GNG7: variants seen among roughly 807,000 people sequenced by gnomAD.
The protein encoded by GNG7 is guanine nucleotide-binding protein G(I)/G(S)/G(O) subunit gamma-7.
Under a neutral mutation model 4.0 loss-of-function variants are expected in GNG7, and 1 was observed. That is an observed-to-expected ratio of 0.25 (90% CI 0.09 to 1.18). The LOEUF is 1.18. GNG7 is among the 50% of genes most tolerant of loss of function. GNG7 has a pLI of 0.50. For synonymous variants in GNG7, 34 were observed against 36.9 expected, an observed-to-expected ratio of 0.92 and a Z score of 0.29; for missense variants, 86 against 91.9, an observed-to-expected ratio of 0.94 and a Z score of 0.26.
Position 2,557,085 on chromosome 19 carries a change from G to A in GNG7, c.-77-1897C>T, listed in dbSNP as rs941258511. On this transcript the variant is annotated intron_variant, in intron 2 of 4. Transcript: ENST00000382159. The surrounding 1 kb of genome is among the most constrained non-coding windows in gnomAD (Gnocchi z 5.1). ...CACGCACACAGACACACGCACACAC[G>A]TGCACACAGGAATACTCAGACACAC... 1.3e-5 allele frequency among the ~76,000 whole-genome samples: 2 copies of A among 149,672 alleles called. No individual in the cohort carries two copies. Among genetic ancestry groups the A allele is most frequent in the Non-Finnish European group, 3.0e-5 (2 of 67,372 alleles).
At chr19:2,679,815 C>G (rs1983686382) in intron 1 of GNG7, among the ~76,000 whole-genome samples, 1 of 152,190 alleles carries the variant, frequency 6.6e-6, no homozygotes, top group African/African-American at 2.4e-5. Context: ...CACCAGGTAG[C>G]ACCTTCCTAA....
chr19:2,628,312 G>A (rs1034392422), intron 2 of GNG7, among the ~76,000 whole-genome samples: 2 of 152,020 alleles, frequency 1.3e-5, no homozygotes, highest in Non-Finnish European at 2.9e-5. Flanking sequence ...TTTGGTTATC[G>A]GCAGAATTCA....
At chr19:2,588,531 G>T (rs536490641) in intron 2 of GNG7, among the ~76,000 whole-genome samples, 1 of 152,360 alleles carries the variant, frequency 6.6e-6, no homozygotes, top group Admixed American at 6.5e-5. Context: ...AAAAGCAGGA[G>T]CCCAGGGCGG....
intron 1 of GNG7, among the ~76,000 whole-genome samples, chr19:2,685,505 G>T (rs1181632366): frequency 6.6e-6 from 1 of 151,740 alleles, no homozygotes. Flanking sequence ...TGCACCTGTG[G>T]TCCCAGCTAC....
rs138449927 is a variant in GNG7 at position 2,699,872 on chromosome 19, G to A, written c.-135+2774C>T. On this transcript the variant is annotated intron_variant, in intron 1 of 4. Transcript: ENST00000382159. ...AAGTTGTAAACTCAAAATTTCAAGC[G>A]TATAATCACAGCTCGATGTGGTTCC... Among the ~76,000 whole-genome samples the A allele has an allele frequency of 5.5e-4, 83 of 152,246 alleles. No homozygotes were observed. In the East Asian group the frequency reaches 0.013, roughly 24 times the overall value.
In GNG7 at chr19:2,633,679, G is replaced by A. The variant is rs946914698; in HGVS notation, c.-78+12545C>T. Among the ~76,000 whole-genome samples, 5 of 152,046 alleles carry A rather than the reference G, an allele frequency of 3.3e-5. No individual in the cohort carries two copies. Among genetic ancestry groups the A allele is most frequent in the Non-Finnish European group, 5.9e-5 (4 of 67,994 alleles). On this transcript the variant is annotated intron_variant, in intron 2 of 4. Coordinates refer to ENST00000382159, the MANE Select transcript of GNG7 (RefSeq NM_052847.3). This position sits in a 1 kb window ranked among gnomAD's most constrained non-coding sequence, Gnocchi z 5.9. ...AACGGGGATTCATTGAGAGGACATCGGTGGGCTTGAAAACGGGTGTCTGTT... is the reference window on the plus strand; with the variant it reads ...AACGGGGATTCATTGAGAGGACATCAGTGGGCTTGAAAACGGGTGTCTGTT...
At chr19:2,661,302 G>GAAAAAGAAAGAAAGAAAGAA in intron 1 of GNG7, among the ~76,000 whole-genome samples, 4 of 73,122 alleles carry the variant, frequency 5.5e-5, no homozygotes, top group African/African-American at 1.6e-4. Context: ...AAGAAAGAAA[G>GAAAAAGAAAGAAAGAAAGAA]AGAAAGAAAG....
intron 2 of GNG7, among the ~76,000 whole-genome samples, chr19:2,632,390 T>C (rs1418114101): frequency 4.6e-5 from 7 of 150,822 alleles, no homozygotes; most frequent in African/African-American, 1.7e-4. Flanking sequence ...GATTATGCTA[T>C]TGCATTCTAG....
chr19:2,614,479 A>G lies in GNG7; in HGVS notation c.-78+31745T>C, dbSNP rs1161884385. On this transcript the variant is annotated intron_variant, in intron 2 of 4. Transcript: ENST00000382159. This position sits in a 1 kb window ranked among gnomAD's most constrained non-coding sequence, Gnocchi z 6.0. ...CCTCCCCAGCCCCTGGCACCCACAC[A>G]TCCCCTTCCTGCCTCTCTAGACTGG... Among the ~76,000 whole-genome samples the G allele has an allele frequency of 1.3e-5, 2 of 151,552 alleles. No individual in the cohort carries two copies. Among genetic ancestry groups the G allele is most frequent in the Non-Finnish European group, 2.9e-5 (2 of 67,890 alleles).
intron 1 of GNG7, among the ~76,000 whole-genome samples, chr19:2,688,803 C>G (rs1293957834): frequency 1.3e-5 from 2 of 152,144 alleles, no homozygotes; most frequent in Non-Finnish European, 2.9e-5. Context: ...CAGTGGCTCC[C>G]GTCTGTCCTC....
At chr19:2,665,555 G>C (rs1983289452) in intron 1 of GNG7, among the ~76,000 whole-genome samples, 1 of 152,198 alleles carries the variant, frequency 6.6e-6, no homozygotes, top group Non-Finnish European at 1.5e-5. Context: ...ACTGAGTCCC[G>C]AGGAAGGATT....
chr19:2,564,347 G>A lies in GNG7; in HGVS notation c.-77-9159C>T, dbSNP rs112855589. Among the ~76,000 whole-genome samples, 680 of 152,252 alleles carry A rather than the reference G, an allele frequency of 4.5e-3. 4 individuals carry two copies. The highest frequency in any genetic ancestry group is 8.0e-3 in the Non-Finnish European group (544 of 68,024). ...TGTAAACCCAGAACTTTGGGAGGCC[G>A]AGGCGGGAGGATCGCTTGAGGCCAG... On this transcript the variant is annotated intron_variant, in intron 2 of 4. Transcript: ENST00000382159.
Position 2,512,185 on chromosome 19 carries a change from CGCCAGCTCCCCGTCT to C in GNG7, c.*2822_*2836del. 1 of 985,926 alleles carries C rather than the reference CGCCAGCTCCCCGTCT, an allele frequency of 1.0e-6. No individual in the cohort carries two copies. Among genetic ancestry groups the C allele is most frequent in the Non-Finnish European group, 1.2e-6 (1 of 829,990 alleles). The allele number at this position is 985,926 out of a possible 1,614,324, so 61.1% of individuals were successfully genotyped here. ...TAGAGCTGCTGCTGCCACCCCCGCC[CGCCAGCTCCCCGTCT>C]GGAGGTGCACGCGCGCTCCTGGAAA... On this transcript the variant is annotated 3_prime_UTR_variant, in exon 5 of 5. Coordinates refer to ENST00000382159, the MANE Select transcript of GNG7 (RefSeq NM_052847.3). The surrounding 1 kb of genome is among the most constrained non-coding windows in gnomAD (Gnocchi z 4.7).
intron 1 of GNG7, among the ~76,000 whole-genome samples, chr19:2,679,928 CCAGT>C (rs1983688878): frequency 6.6e-6 from 1 of 152,104 alleles, no homozygotes; most frequent in Non-Finnish European, 1.5e-5. Context: ...TAAAACAGAA[CCAGT>C]CAGTGTCCAC....
At position 2,520,590 on chromosome 19, in the gene GNG7, G is replaced by C. The variant is rs772815638; in HGVS notation, c.81+18C>G. On this transcript the variant is annotated intron_variant, in intron 4 of 4. Transcript: ENST00000382159. ...CAAGGGTCTCTCCCCTCCTCTTCCTGATGCCCGCTGGGCTCACCTTGATGC... is the reference window on the plus strand; with the variant it reads ...CAAGGGTCTCTCCCCTCCTCTTCCTCATGCCCGCTGGGCTCACCTTGATGC... 45 of 1,466,188 alleles carry C rather than the reference G, an allele frequency of 3.1e-5. No individual in the cohort carries two copies. The highest frequency in any genetic ancestry group is 3.8e-5 in the Non-Finnish European group (41 of 1,069,072). The allele number at this position is 1,466,188 out of a possible 1,614,324, so 90.8% of individuals were successfully genotyped here.
At chr19:2,601,828 G>C (rs1981207627) in intron 2 of GNG7, among the ~76,000 whole-genome samples, 1 of 151,880 alleles carries the variant, frequency 6.6e-6, no homozygotes, top group Admixed American at 6.6e-5. Context: ...GCTCACTTAA[G>C]GAGGCTGAGG....
rs577054566 is a variant in GNG7 at position 2,582,489 on chromosome 19, A to ATT, written c.-77-27303_-77-27302dup. 9.4e-5 allele frequency among the ~76,000 whole-genome samples: 14 copies of ATT among 148,412 alleles called. 1 individual carries two copies. In the South Asian group the frequency reaches 1.3e-3, roughly 14 times the overall value. On this transcript the variant is annotated intron_variant, in intron 2 of 4. Coordinates refer to ENST00000382159, the MANE Select transcript of GNG7 (RefSeq NM_052847.3). ...TGTTACTTTTAGCCTTTAAATGACA[A>ATT]TTTTTTTTTTTGAGACAGGGTCTTG...
At chr19:2,613,719 G>A (rs778129658) in intron 2 of GNG7, among the ~76,000 whole-genome samples, 13 of 152,170 alleles carry the variant, frequency 8.5e-5, no homozygotes, top group Non-Finnish European at 1.5e-4. Flanking sequence ...ATGCCTGGAG[G>A]TGCTCCCGGC....
chr19:2,515,099 G>C lies in GNG7; in HGVS notation c.130C>G (p.Arg44Gly), dbSNP rs773705229. The C allele has an allele frequency of 5.6e-6, 9 of 1,613,878 alleles. No individual in the cohort carries two copies. The highest frequency in any genetic ancestry group is 1.7e-4 in the Middle Eastern group (1 of 6,046). ...DLMSYCEQHA[R>G]NDPLLVGVPA... ...ACTCCGACCAGCAGGGGGTCGTTCCGGGCATGTTGCTCACAGTAGCTCATG... is the reference window on the plus strand; with the variant it reads ...ACTCCGACCAGCAGGGGGTCGTTCCCGGCATGTTGCTCACAGTAGCTCATG... The change falls in exon 5 of 5, where the codon CGG (arginine) becomes GGG (glycine). Residue 44 changes from arginine to glycine, a missense_variant. Coordinates refer to ENST00000382159, the MANE Select transcript of GNG7 (RefSeq NM_052847.3).
Sources: gnomAD v4.1 joint callset for allele counts (sites outside exome capture counted in the v4.1 genomes callset) on GRCh38, gnomAD v4.1.1 for gene constraint, Gnocchi (gnomAD v3.1) non-coding constraint, MANE v1.5 for transcripts, NCBI Gene and HGNC (gene_info 2026-07-23, HGNC 2026-07-21) for gene names.